Variants in SIK3 observed in about 807,000 individuals in gnomAD.
SIK3 encodes serine/threonine-protein kinase SIK3.
SIK3 carries 28 observed loss-of-function variants against 144.2 expected under a neutral mutation model. The ratio of observed to expected loss-of-function variants is 0.19; its 90% CI spans 0.14 to 0.27. SIK3 has a LOEUF of 0.27. Among genes scored for constraint, SIK3 ranks in the 10% least tolerant of loss-of-function variants. SIK3 has a pLI of 1.00. For synonymous variants in SIK3, 686 were observed against 676.3 expected, an observed-to-expected ratio of 1.01 and a Z score of -0.22; for missense variants, 1,319 against 1,776.0, an observed-to-expected ratio of 0.74 and a Z score of 4.62.
At chr11:117,072,302 C>T (rs1319022242) in intron 1 of SIK3, among the ~76,000 whole-genome samples, 2 of 152,032 alleles carry the variant, frequency 1.3e-5, no homozygotes, top group Non-Finnish European at 2.9e-5. Context: ...GTAGGAGAAT[C>T]GCTTGAACCA....
At chr11:117,026,090 A>G (rs890897377) in intron 1 of SIK3, among the ~76,000 whole-genome samples, 5 of 152,346 alleles carry the variant, frequency 3.3e-5, no homozygotes, top group African/African-American at 1.2e-4. Context: ...TAGATAAAGG[A>G]TATACAGTCG....
intron 1 of SIK3, among the ~76,000 whole-genome samples, chr11:117,013,905 G>T (rs1457947756): frequency 0.1 from 4,768 of 47,150 alleles, 761 homozygotes; most frequent in African/African-American, 0.2. Context: ...TCTGAGGGGG[G>T]GGGGGGGAGG....
At position 116,853,801 on chromosome 11, in the gene SIK3, T is replaced by C. The variant is rs1942655296; in HGVS notation, c.3655+4009A>G. ...AGATTGGTTATGCTGCTGTGTTTAT[T>C]TGCAAAGTCAAAAAGATCAAGTGTG... On this transcript the variant is annotated intron_variant, in intron 21 of 24. Transcript: ENST00000445177. Among the ~76,000 whole-genome samples, 3 of 150,316 alleles carry C rather than the reference T, an allele frequency of 2.0e-5. No individual in the cohort carries two copies. In the South Asian group the frequency reaches 6.4e-4, roughly 32 times the overall value.
chr11:117,013,913 A>T (rs375076933), intron 1 of SIK3, among the ~76,000 whole-genome samples: 18,566 of 23,674 alleles, frequency 0.78, 7,370 homozygotes, highest in African/African-American at 0.8. Flanking sequence ...GGGGGGGGGG[A>T]GGGTGTGTGT....
At chr11:116,910,998 A>G (rs554943625) in intron 4 of SIK3, among the ~76,000 whole-genome samples, 20 of 152,278 alleles carry the variant, frequency 1.3e-4, no homozygotes, top group African/African-American at 4.8e-4. Flanking sequence ...TGCCTGGTGA[A>G]GCGGCGCACA....
chr11:116,877,836 G>T (rs1291971318), intron 6 of SIK3, among the ~76,000 whole-genome samples: 1 of 152,206 alleles, frequency 6.6e-6, no homozygotes, highest in Non-Finnish European at 1.5e-5. Context: ...GATGAAGGCA[G>T]TGATGATGAT....
chr11:117,072,799 C>G (rs1179571704), intron 1 of SIK3, among the ~76,000 whole-genome samples: 2 of 152,194 alleles, frequency 1.3e-5, no homozygotes, highest in Non-Finnish European at 2.9e-5. Flanking sequence ...ATGTCAACCT[C>G]TCATACTAAC....
intron 4 of SIK3, among the ~76,000 whole-genome samples, chr11:116,906,422 T>C (rs571412779): frequency 6.6e-6 from 1 of 152,228 alleles, no homozygotes; most frequent in South Asian, 2.1e-4. Flanking sequence ...AACTGAATTA[T>C]AGTAGTAAAA....
chr11:116,967,456 A>T (rs765607093), intron 1 of SIK3, among the ~76,000 whole-genome samples: 228 of 152,346 alleles, frequency 1.5e-3, no homozygotes, highest in African/African-American at 5.3e-3. Flanking sequence ...GCAACAGTTC[A>T]TATTTTAAAT....
intron 6 of SIK3, among the ~76,000 whole-genome samples, chr11:116,894,182 T>A (rs1470259690): frequency 6.6e-6 from 1 of 152,128 alleles, no homozygotes; most frequent in Non-Finnish European, 1.5e-5. Flanking sequence ...CACCAGCAAC[T>A]CTTATGATAC....
chr11:117,096,169 A>G (rs930122238), intron 1 of SIK3, among the ~76,000 whole-genome samples: 13 of 152,230 alleles, frequency 8.5e-5, no homozygotes, highest in Admixed American at 2.6e-4. Flanking sequence ...TTTTATATTA[A>G]AGCCAAGAAT....
intron 4 of SIK3, chr11:116,904,673 C>T (rs1945928548): frequency 6.6e-6 from 1 of 152,156 alleles, no homozygotes; most frequent in Non-Finnish European, 1.5e-5. Flanking sequence ...CTTAATGTCT[C>T]TTTTATAAGT....
At chr11:117,036,547 C>A (rs951093353) in intron 1 of SIK3, among the ~76,000 whole-genome samples, 3 of 152,120 alleles carry the variant, frequency 2.0e-5, no homozygotes, top group African/African-American at 7.2e-5. Context: ...TACATATATG[C>A]TCTTTTAGAG....
Position 116,867,630 on chromosome 11 carries a change from G to A in SIK3, c.1952+316C>T, listed in dbSNP as rs1943717774. On this transcript the variant is annotated intron_variant, in intron 15 of 24. Coordinates refer to ENST00000445177, the MANE Select transcript of SIK3 (RefSeq NM_001366686.3). This position sits in a 1 kb window ranked among gnomAD's most constrained non-coding sequence, Gnocchi z 4.1. Reference sequence around the variant, plus strand: ...TCTTCCTGTTTCCAGGTGGCCTTCTGAGAGTTTCACTTTCTTGCAGGTCTC... The same window carrying A: ...TCTTCCTGTTTCCAGGTGGCCTTCTAAGAGTTTCACTTTCTTGCAGGTCTC... The A allele has an allele frequency of 4.1e-6, 1 of 242,522 alleles. No individual in the cohort carries two copies. The allele number at this position is 242,522 out of a possible 1,614,324, so 15.0% of individuals were successfully genotyped here. A position where few individuals can be genotyped will look rare whatever the true frequency, so the allele number is the denominator to read the frequency against.
At chr11:116,960,870 C>T (rs1220756629) in intron 1 of SIK3, among the ~76,000 whole-genome samples, 1 of 152,202 alleles carries the variant, frequency 6.6e-6, no homozygotes, top group Non-Finnish European at 1.5e-5. Flanking sequence ...CAACTTTAGG[C>T]ATTCCTTGGC....
chr11:116,912,528 T>C (rs1053016011), intron 4 of SIK3, among the ~76,000 whole-genome samples: 2 of 152,208 alleles, frequency 1.3e-5, no homozygotes, highest in African/African-American at 2.4e-5. Flanking sequence ...CCAGTACTAG[T>C]GTTCTCAGTG....
chr11:116,930,085 CT>C (rs767404837), intron 3 of SIK3, among the ~76,000 whole-genome samples: 54 of 147,520 alleles, frequency 3.7e-4, no homozygotes, highest in Admixed American at 1.8e-3. Context: ...GAACAAATCA[CT>C]TTTTTTTTTT....
At chr11:117,026,341 C>T (rs1952008566) in intron 1 of SIK3, among the ~76,000 whole-genome samples, 2 of 152,096 alleles carry the variant, frequency 1.3e-5, no homozygotes, top group African/African-American at 4.8e-5. Flanking sequence ...TTATGATGTT[C>T]CCACAAGGAA....
At chr11:117,094,963 T>A (rs940923952) in intron 1 of SIK3, among the ~76,000 whole-genome samples, 1 of 152,078 alleles carries the variant, frequency 6.6e-6, no homozygotes, top group Non-Finnish European at 1.5e-5. Flanking sequence ...ATATGAAGTC[T>A]GAGCTCATGA....
Sources: allele counts gnomAD v4.1 joint callset (sites outside exome capture counted in the v4.1 genomes callset), GRCh38; gene constraint gnomAD v4.1.1; non-coding constraint Gnocchi (gnomAD v3.1); transcripts MANE v1.5; gene names NCBI Gene and HGNC (gene_info 2026-07-23, HGNC 2026-07-21).